Variants in ADGRV1 observed in about 807,000 individuals in gnomAD.
ADGRV1 encodes G-protein coupled receptor 98.
In ADGRV1, 359 loss-of-function variants were observed where a neutral mutation model predicts 596.2. That is an observed-to-expected ratio of 0.60 (90% confidence interval 0.55 to 0.66). The LOEUF is 0.66. Among genes scored for constraint, ADGRV1 ranks in the 30% least tolerant of loss-of-function variants. The pLI, the probability that ADGRV1 is intolerant of heterozygous loss-of-function variation, is 0.00. For synonymous variants in ADGRV1, 2,681 were observed against 2,679.2 expected (o/e 1.00, Z -0.02); for missense variants, 7,274 against 7,575.6 (o/e 0.96, Z 1.48).
intron 1 of ADGRV1, among the ~76,000 whole-genome samples, chr5:90,575,610 G>A (rs1197553213): frequency 6.6e-6 from 1 of 152,130 alleles, no homozygotes; most frequent in Non-Finnish European, 1.5e-5. Flanking sequence ...AATGGACAGC[G>A]AAAGCTTCAT....
At chr5:90,684,242 C>T (rs1745320441) in intron 28 of ADGRV1, 47 bp downstream of exon 28, 1 of 1,467,672 alleles carries the variant, frequency 6.8e-7, no homozygotes, top group Non-Finnish European at 9.1e-7. Flanking sequence ...TCTCAGAATC[C>T]TGAAACAATC....
chr5:90,805,686 T>C (rs949247246), intron 72 of ADGRV1, among the ~76,000 whole-genome samples: 1 of 152,200 alleles, frequency 6.6e-6, no homozygotes, highest in African/African-American at 2.4e-5. Flanking sequence ...CTGGGGTCAC[T>C]AAGCAAACTA....
chr5:90,933,320 A>C (rs1320768642), intron 83 of ADGRV1, among the ~76,000 whole-genome samples: 1 of 152,206 alleles, frequency 6.6e-6, no homozygotes, highest in Non-Finnish European at 1.5e-5. Context: ...TTAGAAGCAG[A>C]ACTATTTTAT....
chr5:90,706,149 A>G (rs1405265808), intron 37 of ADGRV1, 82 bp from the exon 38 acceptor site: 26 of 1,303,664 alleles, frequency 2.0e-5, no homozygotes, highest in Non-Finnish European at 2.5e-5. Context: ...AGGTGCTTTT[A>G]GGAAAGGCAA....
chr5:90,610,044 C>T (rs1041405571), intron 1 of ADGRV1, among the ~76,000 whole-genome samples: 12 of 151,964 alleles, frequency 7.9e-5, no homozygotes, highest in African/African-American at 2.2e-4. Context: ...TATTCTACTC[C>T]GTTTCTATAT....
intron 85 of ADGRV1, among the ~76,000 whole-genome samples, chr5:90,997,305 A>G (rs1388308518): frequency 1.3e-5 from 2 of 152,148 alleles, no homozygotes; most frequent in African/African-American, 2.4e-5. Context: ...CCATCCCCAG[A>G]GTGCTGTCTT....
intron 21 of ADGRV1, among the ~76,000 whole-genome samples, chr5:90,664,871 T>A (rs1771031173): frequency 6.6e-6 from 1 of 150,536 alleles, no homozygotes; most frequent in Non-Finnish European, 1.5e-5. Context: ...ATTGAGATAA[T>A]CATGTGGTTT....
chr5:90,600,395 A>C (rs1761252131), intron 1 of ADGRV1, among the ~76,000 whole-genome samples: 2 of 152,130 alleles, frequency 1.3e-5, no homozygotes, highest in Non-Finnish European at 2.9e-5. Flanking sequence ...ATGAGTGAGA[A>C]CATGCAGTGT....
At chr5:91,107,502 A>C (rs899773135) in intron 87 of ADGRV1, among the ~76,000 whole-genome samples, 1 of 152,152 alleles carries the variant, frequency 6.6e-6, no homozygotes, top group African/African-American at 2.4e-5. Flanking sequence ...GGTGAACATG[A>C]AAAACTACTC....
At chr5:90,652,014 A>G (rs1015371203) in intron 18 of ADGRV1, among the ~76,000 whole-genome samples, 1 of 151,264 alleles carries the variant, frequency 6.6e-6, no homozygotes, top group Non-Finnish European at 1.5e-5. Flanking sequence ...ATCTTCAGGA[A>G]CTCTTCTCTC....
At chr5:90,606,725 T>C (rs1269589293) in intron 1 of ADGRV1, among the ~76,000 whole-genome samples, 1 of 152,158 alleles carries the variant, frequency 6.6e-6, no homozygotes, top group Non-Finnish European at 1.5e-5. Flanking sequence ...CCACATGTTG[T>C]GAAACGTACA....
In ADGRV1 at chr5:90,674,083, T is replaced by C. The variant is rs1431103384; in HGVS notation, c.4959T>C (p.Asp1653=). The stretch of plus-strand genomic sequence containing the variant: ...TGAATATATATGTTCTTGATGATGA[T>C]ATTCCTGAACTTAATGAGTATTTCC... The part of the protein sequence containing the change: ...EVLNIYVLDD[D]IPELNEYFRV... The change falls in exon 23 of 90, where the codon GAT becomes GAC. Residue 1653 remains aspartate (D), a synonymous_variant. Coordinates refer to ENST00000405460, the MANE Select transcript of ADGRV1 (RefSeq NM_032119.4). The C allele has an allele frequency of 1.2e-6, 2 of 1,612,560 alleles. No homozygotes were observed. The highest frequency in any genetic ancestry group is 1.7e-6 in the Non-Finnish European group (2 of 1,178,940).
intron 87 of ADGRV1, among the ~76,000 whole-genome samples, chr5:91,144,591 C>G (rs1364979322): frequency 1.3e-5 from 2 of 152,176 alleles, no homozygotes; most frequent in African/African-American, 4.8e-5. Context: ...CAGGCATGAG[C>G]CACCACGCCC....
chr5:90,762,338 G>C (rs1756598956), intron 58 of ADGRV1, among the ~76,000 whole-genome samples: 1 of 152,044 alleles, frequency 6.6e-6, no homozygotes, highest in South Asian at 2.1e-4. Flanking sequence ...GTTTCTATGA[G>C]GCTTAAATAA....
chr5:91,031,457 T>G, intron 85 of ADGRV1: 1 of 717,614 alleles, frequency 1.4e-6, no homozygotes, highest in Non-Finnish European at 2.4e-6. Flanking sequence ...CTCTGAATAA[T>G]CTGGTGGCTT....
chr5:90,667,587 G>A (rs1454790384), intron 21 of ADGRV1, among the ~76,000 whole-genome samples: 5 of 149,528 alleles, frequency 3.3e-5, no homozygotes, highest in South Asian at 2.1e-4. Context: ...TAATTTGATC[G>A]TCTGAAGCCT....
At chr5:90,627,979 TCTA>T in intron 7 of ADGRV1, 1 of 381,294 alleles carries the variant, frequency 2.6e-6, no homozygotes, top group Non-Finnish European at 4.6e-6. Flanking sequence ...TGTCATTTTT[TCTA>T]CCATGGCTTC....
chr5:90,828,690 G>A (rs1205749936), intron 76 of ADGRV1, among the ~76,000 whole-genome samples: 1 of 151,982 alleles, frequency 6.6e-6, no homozygotes, highest in Non-Finnish European at 1.5e-5. Flanking sequence ...GTAAACATAG[G>A]TTGTTTCCTG....
intron 83 of ADGRV1, among the ~76,000 whole-genome samples, chr5:90,930,287 C>T (rs757481838): frequency 4.6e-5 from 7 of 152,118 alleles, no homozygotes; most frequent in Non-Finnish European, 7.4e-5. Flanking sequence ...AAAATGAATA[C>T]GTTGCCAGAG....
Sources: allele counts gnomAD v4.1 joint callset (sites outside exome capture counted in the v4.1 genomes callset), GRCh38; gene constraint gnomAD v4.1.1; transcripts MANE v1.5; gene names NCBI Gene and HGNC (gene_info 2026-07-23, HGNC 2026-07-21).